Variants in GTF2H1 observed in about 807,000 individuals in gnomAD.
GTF2H1 encodes the protein general transcription factor IIH subunit 1.
Under a neutral mutation model 71.2 loss-of-function variants are expected in GTF2H1, and 16 were observed. The ratio of observed to expected loss-of-function variants is 0.22; its 90% CI spans 0.15 to 0.34. The LOEUF is 0.34. Ranked by LOEUF, GTF2H1 falls within the 10% of genes least tolerant of loss-of-function variation. The pLI is 1.00. For missense variants in GTF2H1, 498 were observed against 648.2 expected, an observed-to-expected ratio of 0.77 and a Z score of 2.52; for synonymous variants, 215 against 219.0, an observed-to-expected ratio of 0.98 and a Z score of 0.16.
chr11:18,357,408 G>C, intron 11 of GTF2H1, among the ~76,000 whole-genome samples: 1 of 151,614 alleles, frequency 6.6e-6, no homozygotes, highest in East Asian at 1.9e-4. Flanking sequence ...CCCCCACTCT[G>C]TTATCAAGGG....
chr11:18,360,855 G>A (rs1374752263), intron 14 of GTF2H1, 148 bp downstream of exon 14: 1 of 543,928 alleles, frequency 1.8e-6, no homozygotes, highest in African/African-American at 2.0e-5. Flanking sequence ...GCCCAGGCTG[G>A]AGTACAGTGG....
Position 18,338,257 on chromosome 11 carries a change from A to G in GTF2H1, c.496A>G (p.Ile166Val). 6.2e-7 allele frequency: 1 copy of G among 1,609,780 alleles called. No homozygotes were observed. Among genetic ancestry groups the G allele is most frequent in the South Asian group, 1.1e-5 (1 of 90,988 alleles). The change falls in exon 4 of 15, where the codon ATT (isoleucine) becomes GTT (valine). Residue 166 changes from isoleucine to valine, a missense_variant. Ile to Val is a conservative substitution (Grantham distance 29). Coordinates refer to ENST00000265963, the MANE Select transcript of GTF2H1 (RefSeq NM_005316.4). ...STSNHKQDVG[I>V]SAAFLADVRP... ...ATCCAATCATAAGCAGGATGTTGGC[A>G]TTTCTGCTGCATTTCTGGTATGTGA...
chr11:18,366,144 T>C lies in GTF2H1; in HGVS notation c.*275T>C, dbSNP rs1439973496. On this transcript the variant is annotated 3_prime_UTR_variant, in exon 15 of 15. Transcript: ENST00000265963. ...ACACACACACATATATGTACATGTG[T>C]ATGTACATATATATTTTAAAAGACT... The C allele has an allele frequency of 5.8e-6, 2 of 346,316 alleles. No homozygotes were observed. The highest frequency in any genetic ancestry group is 4.5e-5 in the East Asian group (1 of 22,340). The allele number at this position is 346,316 out of a possible 1,614,324, so 21.5% of individuals were successfully genotyped here.
At chr11:18,349,346 T>C (rs1865375083) in intron 9 of GTF2H1, among the ~76,000 whole-genome samples, 1 of 152,222 alleles carries the variant, frequency 6.6e-6, no homozygotes, top group Admixed American at 6.5e-5. Context: ...CTTTGTATAC[T>C]GTTGGGCTGA....
intron 2 of GTF2H1, among the ~76,000 whole-genome samples, chr11:18,334,485 G>A (rs539999917): frequency 3.9e-5 from 6 of 152,246 alleles, no homozygotes; most frequent in South Asian, 2.1e-4. Context: ...CAGTATTAGC[G>A]TCTCTCTCAA....
chr11:18,334,407 A>G (rs2133959380), intron 2 of GTF2H1, among the ~76,000 whole-genome samples: 1 of 152,316 alleles, frequency 6.6e-6, no homozygotes, highest in African/African-American at 2.4e-5. Flanking sequence ...AGAATGCCCT[A>G]CAAATTTCTG....
In GTF2H1 at chr11:18,332,983, G is replaced by A. The variant is rs1590182724; in HGVS notation, c.-15-77G>A. 21 of 874,450 alleles carry A rather than the reference G, an allele frequency of 2.4e-5. No homozygotes were observed. In the East Asian group the frequency reaches 5.7e-4, roughly 24 times the overall value. The allele number at this position is 874,450 out of a possible 1,614,324, so 54.2% of individuals were successfully genotyped here. On this transcript the variant is annotated intron_variant, in intron 1 of 14. Coordinates refer to ENST00000265963, the MANE Select transcript of GTF2H1 (RefSeq NM_005316.4). ...CAGTTTAGATTTTATATTTGAAAGGGACTCTAGAAGTCAACAAATTCAACC... is the reference window on the plus strand; with the variant it reads ...CAGTTTAGATTTTATATTTGAAAGGAACTCTAGAAGTCAACAAATTCAACC...
chr11:18,338,446 GT>G (rs1865082516), intron 4 of GTF2H1, among the ~76,000 whole-genome samples, 172 bp downstream of exon 4: 1 of 151,978 alleles, frequency 6.6e-6, no homozygotes, highest in African/African-American at 2.4e-5. Flanking sequence ...ATGTTTGTTT[GT>G]TTGTTTGTTT....
intron 13 of GTF2H1, among the ~76,000 whole-genome samples, chr11:18,359,230 A>AAT (rs1282131548): frequency 6.6e-6 from 1 of 152,188 alleles, no homozygotes; most frequent in Non-Finnish European, 1.5e-5. Flanking sequence ...TATGCAGATA[A>AAT]ATTACAGCTA....
intron 7 of GTF2H1, among the ~76,000 whole-genome samples, chr11:18,342,538 A>C (rs1479904229): frequency 6.6e-6 from 1 of 152,142 alleles, no homozygotes. Flanking sequence ...CTGGGATTAC[A>C]GTCATGAGCC....
At chr11:18,353,133 G>T (rs1316452257) in intron 11 of GTF2H1, among the ~76,000 whole-genome samples, 1 of 152,216 alleles carries the variant, frequency 6.6e-6, no homozygotes, top group Admixed American at 6.5e-5. Context: ...GCTGAGGCAG[G>T]AGAATCACTT....
At chr11:18,337,175 T>C (rs952711432) in intron 3 of GTF2H1, among the ~76,000 whole-genome samples, 1 of 152,186 alleles carries the variant, frequency 6.6e-6, no homozygotes, top group Non-Finnish European at 1.5e-5. Flanking sequence ...ATGCCTGTAG[T>C]CTCAGCACTT....
intron 4 of GTF2H1, 41 bp from the exon 5 acceptor site, chr11:18,339,523 C>T (rs1311400366): frequency 5.7e-6 from 8 of 1,396,140 alleles, no homozygotes; most frequent in Admixed American, 1.8e-5. Flanking sequence ...CCATCTTTCC[C>T]TGATGCTCTA....
chr11:18,341,939 T>G (rs184193189), intron 7 of GTF2H1: 1 of 181,156 alleles, frequency 5.5e-6, no homozygotes, highest in East Asian at 1.6e-4. Context: ...ATGGATAAAT[T>G]AATAAATAAG....
intron 8 of GTF2H1, 56 bp from the exon 9 acceptor site, chr11:18,347,776 G>A: frequency 6.3e-7 from 1 of 1,595,394 alleles, no homozygotes; most frequent in Non-Finnish European, 8.6e-7. Flanking sequence ...ATGGAGTTGT[G>A]GTGTTGTTTT....
In GTF2H1 at chr11:18,327,251, T is replaced by A. The variant is rs76692244; in HGVS notation, c.-16+4511T>A. Reference sequence around the variant, plus strand: ...AAACTCTTGGGAAGACTTTTTTTTTTAATAACTGCTCTAGTATAAAATACA... The same window carrying A: ...AAACTCTTGGGAAGACTTTTTTTTTAAATAACTGCTCTAGTATAAAATACA... On this transcript the variant is annotated intron_variant, in intron 1 of 14. Coordinates refer to ENST00000265963, the MANE Select transcript of GTF2H1 (RefSeq NM_005316.4). 2.2e-4 allele frequency among the ~76,000 whole-genome samples: 33 copies of A among 151,168 alleles called. No homozygotes were observed. In the East Asian group the frequency reaches 3.9e-3, roughly 18 times the overall value.
intron 9 of GTF2H1, among the ~76,000 whole-genome samples, chr11:18,349,584 G>A (rs1422434784): frequency 6.6e-6 from 1 of 152,230 alleles, no homozygotes; most frequent in Non-Finnish European, 1.5e-5. Flanking sequence ...CTGGGAGGCT[G>A]AGGCAGCAAA....
intron 3 of GTF2H1, among the ~76,000 whole-genome samples, chr11:18,336,553 G>T (rs1865033603): frequency 6.6e-6 from 1 of 152,138 alleles, no homozygotes; most frequent in Admixed American, 6.6e-5. Context: ...ACGAGAATGT[G>T]CAAACCCAGA....
chr11:18,333,193 G>C lies in GTF2H1; in HGVS notation c.119G>C (p.Arg40Thr). 1 of 1,613,668 alleles carries C rather than the reference G, an allele frequency of 6.2e-7. No homozygotes were observed. ...GCTTGGGCACCTGAAGGCAAAGATAGATTTACAATCAGCCATATGTATGCA... is the reference window on the plus strand; with the variant it reads ...GCTTGGGCACCTGAAGGCAAAGATACATTTACAATCAGCCATATGTATGCA... ...RIAWAPEGKD[R>T]FTISHMYADI... is the part of the protein sequence containing the mutation. The change falls in exon 2 of 15, where the codon AGA (arginine) becomes ACA (threonine). Residue 40 changes from arginine (R) to threonine (T), a missense_variant. Arg to Thr is a moderately conservative substitution (Grantham distance 71, BLOSUM62 -1). This residue lies in a region of GTF2H1 where 216 missense variants were observed against 306.2 expected (regional missense o/e 0.71). Transcript: ENST00000265963.
Sources: gnomAD v4.1 joint callset for allele counts (sites outside exome capture counted in the v4.1 genomes callset) on GRCh38, gnomAD v4.1.1 for gene constraint, gnomAD v4.1.1 regional missense constraint, MANE v1.5 for transcripts, NCBI Gene and HGNC (gene_info 2026-07-23, HGNC 2026-07-21) for gene names.